The following LRP5 variants were observed in gnomAD, a reference collection of about 807,000 sequenced individuals.
LRP5 encodes the protein LDL receptor related protein 5, also known as low-density lipoprotein receptor-related protein 5.
In LRP5, 62 loss-of-function variants were observed where a neutral mutation model predicts 154.1. That is an observed-to-expected ratio of 0.40 (90% CI 0.33 to 0.50). The LOEUF (loss-of-function observed/expected upper bound fraction) is 0.50, where lower values mean the gene tolerates loss of function less well. LRP5 is among the 20% of genes least tolerant of loss of function. The pLI is 0.55. For synonymous variants in LRP5, 966 were observed against 1,011.5 expected (o/e 0.96, Z 0.85); for missense variants, 1,915 against 2,336.7 (o/e 0.82, Z 3.72).
intron 1 of LRP5, among the ~76,000 whole-genome samples, chr11:68,324,612 A>T (rs2098598593): frequency 1.3e-5 from 2 of 151,994 alleles, no homozygotes; most frequent in South Asian, 2.1e-4. Context: ...AGTTTTAATT[A>T]AAAAAAAATT....
chr11:68,327,568 A>G (rs1442320316), intron 1 of LRP5, among the ~76,000 whole-genome samples: 2 of 152,148 alleles, frequency 1.3e-5, no homozygotes, highest in Non-Finnish European at 2.9e-5. Context: ...TGATCCCACA[A>G]GTGTGACTTT....
At chr11:68,368,481 G>A (rs2098632307) in intron 5 of LRP5, among the ~76,000 whole-genome samples, 1 of 152,264 alleles carries the variant, frequency 6.6e-6, no homozygotes, top group Admixed American at 6.5e-5. Flanking sequence ...TGTGACCTGT[G>A]TAGTCATATG....
chr11:68,369,271 C>T (rs539382874), intron 5 of LRP5, among the ~76,000 whole-genome samples: 1 of 152,276 alleles, frequency 6.6e-6, no homozygotes, highest in South Asian at 2.1e-4. Flanking sequence ...TGAGAGCTGG[C>T]TTGGGGCCTG....
chr11:68,351,885 C>T (rs1565338431), intron 2 of LRP5, among the ~76,000 whole-genome samples: 2 of 152,088 alleles, frequency 1.3e-5, no homozygotes, highest in African/African-American at 2.4e-5. Flanking sequence ...GGCTGAGAAC[C>T]GTGTGGCTGT....
At chr11:68,328,827 A>G (rs893876724) in intron 1 of LRP5, among the ~76,000 whole-genome samples, 2 of 152,106 alleles carry the variant, frequency 1.3e-5, no homozygotes, top group Non-Finnish European at 2.9e-5. Flanking sequence ...CCTTTCTTGC[A>G]TCAAATGCTG....
chr11:68,328,307 A>G (rs1410297938), intron 1 of LRP5, among the ~76,000 whole-genome samples: 1 of 152,238 alleles, frequency 6.6e-6, no homozygotes, highest in Non-Finnish European at 1.5e-5. Context: ...GCGATGATAA[A>G]TTTGGCATGT....
At chr11:68,327,416 G>A (rs1018748857) in intron 1 of LRP5, among the ~76,000 whole-genome samples, 7 of 152,348 alleles carry the variant, frequency 4.6e-5, no homozygotes, top group Non-Finnish European at 7.3e-5. Context: ...GCGCCTCTGC[G>A]GATCTGACCC....
At chr11:68,352,193 TGTG>T (rs1309143152) in intron 2 of LRP5, among the ~76,000 whole-genome samples, 1 of 151,994 alleles carries the variant, frequency 6.6e-6, no homozygotes, top group African/African-American at 2.4e-5. Flanking sequence ...ACACCTCACT[TGTG>T]GGGGTAAGGA....
At chr11:68,358,075 A>G (rs1591220093) in intron 3 of LRP5, among the ~76,000 whole-genome samples, 2 of 152,112 alleles carry the variant, frequency 1.3e-5, no homozygotes, top group South Asian at 2.1e-4. Flanking sequence ...GTAGGGCAGA[A>G]AAGACTATCT....
intron 17 of LRP5, 147 bp downstream of exon 17, chr11:68,429,847 C>G: frequency 1.9e-6 from 2 of 1,041,080 alleles, no homozygotes; most frequent in Non-Finnish European, 2.9e-6. Flanking sequence ...GCCCTCCTTT[C>G]TTTTCTACTA....
At chr11:68,393,008 G>A (rs946576789) in intron 7 of LRP5, among the ~76,000 whole-genome samples, 1 of 151,748 alleles carries the variant, frequency 6.6e-6, no homozygotes, top group Non-Finnish European at 1.5e-5. Flanking sequence ...GGGCACTTGT[G>A]GTTCCCAGCT....
intron 5 of LRP5, among the ~76,000 whole-genome samples, chr11:68,385,022 A>C (rs778248201): frequency 6.6e-6 from 1 of 152,206 alleles, no homozygotes; most frequent in African/African-American, 2.4e-5. Context: ...GTCAGGTCAC[A>C]CTGGTGAGTT....
Position 68,357,635 on chromosome 11 carries a change from C to T in LRP5, c.489-15C>T, listed in dbSNP as rs1312487919. The stretch of plus-strand genomic sequence containing the variant: ...ATCTGTGTTAGCTGCTTCTCTTGCC[C>T]TGCCCCCGTCACAGGTACATGTACT... On this transcript the variant is annotated splice_polypyrimidine_tract_variant and intron_variant, in intron 2 of 22. Transcript: ENST00000294304. 4 of 1,612,444 alleles carry T rather than the reference C, an allele frequency of 2.5e-6. No individual in the cohort carries two copies. The highest frequency in any genetic ancestry group is 3.3e-4 in the Middle Eastern group (2 of 6,058).
intron 12 of LRP5, among the ~76,000 whole-genome samples, chr11:68,414,338 G>A (rs1057046679): frequency 1.3e-5 from 2 of 152,194 alleles, no homozygotes; most frequent in South Asian, 2.1e-4. Context: ...CATAGCGCTC[G>A]TTTACTCCTC....
At chr11:68,412,785 T>G (rs2098660365) in intron 11 of LRP5, among the ~76,000 whole-genome samples, 1 of 152,204 alleles carries the variant, frequency 6.6e-6, no homozygotes, top group Non-Finnish European at 1.5e-5. Flanking sequence ...TTCAGTGACC[T>G]TGGCCCTAGG....
intron 17 of LRP5, among the ~76,000 whole-genome samples, chr11:68,433,226 G>T (rs549345287): frequency 1.3e-5 from 2 of 152,326 alleles, no homozygotes; most frequent in South Asian, 4.1e-4. Context: ...GTGTTGCCGG[G>T]AGGAGGAAGG....
upstream of LRP5, among the ~76,000 whole-genome samples, chr11:68,309,109 A>AT (rs2098586002): frequency 6.6e-6 from 1 of 151,256 alleles, no homozygotes; most frequent in African/African-American, 2.4e-5. Flanking sequence ...AATTTTTTGT[A>AT]TTTTAAGTAG....
rs1016033054 is a variant in LRP5 at position 68,439,865 on chromosome 11, A to G, written c.4437A>G (p.Thr1479=). 2 of 1,580,006 alleles carry G rather than the reference A, an allele frequency of 1.3e-6. No individual in the cohort carries two copies. The highest frequency in any genetic ancestry group is 1.1e-5 in the South Asian group (1 of 88,374). ...GVPLYDRNHV[T]GASSSSSSST... is the part of the protein sequence containing the mutation. ...CCCTCTACGACCGGAACCACGTCAC[A>G]GGGGCCTCGTCCAGCAGCTCGTCCA... The change falls in exon 21 of 23, where the codon ACA becomes ACG. Residue 1479 remains threonine (T), a synonymous_variant. Transcript: ENST00000294304.
intron 1 of LRP5, among the ~76,000 whole-genome samples, chr11:68,342,027 G>A (rs2098609455): frequency 1.3e-5 from 2 of 151,434 alleles, no homozygotes; most frequent in South Asian, 4.2e-4. Flanking sequence ...CTCCTCCTTA[G>A]TGTGCTGCCT....
Sources: allele counts gnomAD v4.1 joint callset (sites outside exome capture counted in the v4.1 genomes callset), GRCh38; gene constraint gnomAD v4.1.1; transcripts MANE v1.5; gene names NCBI Gene and HGNC (gene_info 2026-07-23, HGNC 2026-07-21).